The following FAF1 variants were observed in gnomAD, a reference collection of about 807,000 sequenced individuals.
FAF1 encodes the protein Fas associated factor 1.
In FAF1, 25 loss-of-function variants were observed where a neutral mutation model predicts 92.5. That is an observed-to-expected ratio of 0.27 (90% CI 0.20 to 0.38). FAF1 has a LOEUF of 0.38. FAF1 is among the 10% of genes least tolerant of loss of function. The pLI, the probability that FAF1 is intolerant of heterozygous loss-of-function variation, is 1.00. For missense variants in FAF1, 636 were observed against 793.3 expected, an observed-to-expected ratio of 0.80 and a Z score of 2.38; for synonymous variants, 234 against 273.2, an observed-to-expected ratio of 0.86 and a Z score of 1.42.
intron 7 of FAF1, among the ~76,000 whole-genome samples, chr1:50,663,424 T>C (rs971554264): frequency 4.7e-5 from 7 of 150,190 alleles, no homozygotes; most frequent in African/African-American, 1.7e-4. Context: ...AATTTTTTTT[T>C]TTTTTTTTTG....
At chr1:50,907,666 T>C (rs1004887672) in intron 1 of FAF1, among the ~76,000 whole-genome samples, 1 of 152,240 alleles carries the variant, frequency 6.6e-6, no homozygotes, top group African/African-American at 2.4e-5. Context: ...TTTTTTTTCA[T>C]AGAGTTGTTT....
chr1:50,648,212 C>T (rs1196301304), intron 8 of FAF1, among the ~76,000 whole-genome samples: 4 of 152,072 alleles, frequency 2.6e-5, no homozygotes, highest in Non-Finnish European at 5.9e-5. Flanking sequence ...GAGCCGAGAT[C>T]GTGCCATTGC....
chr1:50,513,004 T>C (rs1383559479), intron 15 of FAF1, among the ~76,000 whole-genome samples: 2 of 152,088 alleles, frequency 1.3e-5, no homozygotes, highest in African/African-American at 4.8e-5. Context: ...AGGAGGAAGG[T>C]ACTTTTTTTG....
chr1:50,762,377 G>T (rs1214912285), intron 4 of FAF1, among the ~76,000 whole-genome samples: 1 of 151,920 alleles, frequency 6.6e-6, no homozygotes, highest in African/African-American at 2.4e-5. Flanking sequence ...AGTCTGCATC[G>T]CCAAGTCAAT....
At chr1:50,543,242 C>T (rs961126519) in intron 13 of FAF1, among the ~76,000 whole-genome samples, 10 of 152,104 alleles carry the variant, frequency 6.6e-5, no homozygotes, top group African/African-American at 2.4e-4. Context: ...CTGGCTTTCA[C>T]CAAGCTATAC....
chr1:50,703,152 A>G (rs1041979102), intron 7 of FAF1, among the ~76,000 whole-genome samples: 1 of 152,166 alleles, frequency 6.6e-6, no homozygotes, highest in African/African-American at 2.4e-5. Context: ...CTGGTGAGAT[A>G]GATTAATTTA....
intron 1 of FAF1, among the ~76,000 whole-genome samples, chr1:50,881,735 A>T (rs1025089279): frequency 5.9e-5 from 9 of 152,220 alleles, no homozygotes; most frequent in Non-Finnish European, 1.2e-4. Context: ...CTCCCATTAC[A>T]TGAGTGGTTT....
At chr1:50,870,881 T>C (rs1644522064) in intron 1 of FAF1, among the ~76,000 whole-genome samples, 1 of 152,214 alleles carries the variant, frequency 6.6e-6, no homozygotes, top group Non-Finnish European at 1.5e-5. Flanking sequence ...TTAAAATGAT[T>C]AAGCTTAATG....
At chr1:50,549,397 C>A (rs1483683659) in intron 13 of FAF1, among the ~76,000 whole-genome samples, 1 of 152,076 alleles carries the variant, frequency 6.6e-6, no homozygotes, top group Non-Finnish European at 1.5e-5. Context: ...AAGGCTTGAA[C>A]TCCTGGGCTC....
At chr1:50,476,066 C>T (rs907035825) in intron 17 of FAF1, among the ~76,000 whole-genome samples, 3 of 151,954 alleles carry the variant, frequency 2.0e-5, no homozygotes. Context: ...CACACACAAA[C>T]AGAGATATAT....
rs531877729 is a variant in FAF1, at chr1:50,888,687, A to T, written c.46-30690T>A. On this transcript the variant is annotated intron_variant, in intron 1 of 18. Coordinates refer to ENST00000396153, the MANE Select transcript of FAF1 (RefSeq NM_007051.3). ...ACGTTTACTGATTTGCGTATGTCGA[A>T]CGAGCCTTGCATCCCAGGGATGAAG... Among the ~76,000 whole-genome samples the T allele has an allele frequency of 1.8e-4, 28 of 152,332 alleles. 2 individuals are homozygous for T. The South Asian group carries it at 5.2e-3, about 28-fold the overall frequency.
chr1:50,749,496 A>T lies in FAF1; in HGVS notation c.368-4721T>A, dbSNP rs186735127. The stretch of plus-strand genomic sequence containing the variant: ...CAACCTGAGTTCCTCATATTTTAAA[A>T]ATTACTCTCTATTGCAAGGTGGCTC... On this transcript the variant is annotated intron_variant, in intron 4 of 18. Transcript: ENST00000396153. Among the ~76,000 whole-genome samples the T allele has an allele frequency of 9.2e-5, 14 of 152,264 alleles. No individual in the cohort carries two copies. The East Asian group carries it at 2.5e-3, about 27-fold the overall frequency.
At chr1:50,819,802 C>CATATATAT (rs760445644) in intron 2 of FAF1, among the ~76,000 whole-genome samples, 1 of 86,212 alleles carries the variant, frequency 1.2e-5, no homozygotes, top group African/African-American at 4.8e-5. Context: ...TATATATATA[C>CATATATAT]ATATATATAT....
chr1:50,829,803 C>T (rs1434178822), intron 2 of FAF1, among the ~76,000 whole-genome samples: 1 of 152,168 alleles, frequency 6.6e-6, no homozygotes, highest in Non-Finnish European at 1.5e-5. Context: ...GCCAGCATTC[C>T]AGTTGTTTAA....
intron 4 of FAF1, among the ~76,000 whole-genome samples, chr1:50,751,469 A>G (rs569074747): frequency 6.6e-6 from 1 of 151,848 alleles, no homozygotes; most frequent in African/African-American, 2.4e-5. Flanking sequence ...TCAGCCTCCC[A>G]TGTAGCTGGG....
intron 7 of FAF1, among the ~76,000 whole-genome samples, chr1:50,661,564 G>A (rs1655376288): frequency 2.0e-5 from 3 of 152,062 alleles, no homozygotes; most frequent in Admixed American, 1.3e-4. Context: ...AAAGGACTCT[G>A]GTCATATGAA....
intron 8 of FAF1, among the ~76,000 whole-genome samples, chr1:50,611,466 G>T (rs1652679656): frequency 1.3e-5 from 2 of 152,184 alleles, no homozygotes; most frequent in Admixed American, 1.3e-4. Flanking sequence ...GATAGTTGGA[G>T]GTAGTTAATA....
At chr1:50,886,255 T>G (rs1644662845) in intron 1 of FAF1, among the ~76,000 whole-genome samples, 1 of 152,224 alleles carries the variant, frequency 6.6e-6, no homozygotes, top group Non-Finnish European at 1.5e-5. Context: ...TAACACTTCT[T>G]GTAGGACAGG....
intron 13 of FAF1, among the ~76,000 whole-genome samples, chr1:50,552,115 T>C (rs1035688782): frequency 3.3e-5 from 5 of 151,988 alleles, no homozygotes; most frequent in Admixed American, 1.3e-4. Flanking sequence ...GCCAACATGA[T>C]GAAACCCTGT....
Sources: gnomAD v4.1 joint callset for allele counts (sites outside exome capture counted in the v4.1 genomes callset) on GRCh38, gnomAD v4.1.1 for gene constraint, MANE v1.5 for transcripts, NCBI Gene and HGNC (gene_info 2026-07-23, HGNC 2026-07-21) for gene names.